SORCS2: variants seen among roughly 807,000 people sequenced by gnomAD.
The protein encoded by SORCS2 is sortilin related VPS10 domain containing receptor 2.
In SORCS2, 100 loss-of-function variants were observed where a neutral mutation model predicts 141.6. The observed-to-expected ratio is 0.71, with a 90% CI of 0.60 to 0.83. The LOEUF (loss-of-function observed/expected upper bound fraction) is 0.83, where lower values mean the gene tolerates loss of function less well. Among genes scored for constraint, SORCS2 ranks in the 40% least tolerant of loss-of-function variants. The pLI is 0.00. For synonymous variants in SORCS2, 789 were observed against 676.9 expected (o/e 1.17, Z -2.57); for missense variants, 1,646 against 1,560.2 (o/e 1.05, Z -0.93).
intron 1 of SORCS2, among the ~76,000 whole-genome samples, chr4:7,302,276 C>T (rs971081035): frequency 2.6e-5 from 4 of 152,206 alleles, no homozygotes; most frequent in African/African-American, 4.8e-5. Flanking sequence ...TGCCTGCCCG[C>T]AAGTAGCTTG....
rs181613324 is a variant in SORCS2, at chr4:7,712,864, A to G, written c.1989+11A>G. 1,290 of 1,613,536 alleles carry G rather than the reference A, an allele frequency of 8.0e-4. 13 individuals carry two copies. The African/African-American group carries it at 0.015, about 19-fold the overall frequency. On this transcript the variant is annotated intron_variant, in intron 15 of 26. Coordinates refer to ENST00000507866, the MANE Select transcript of SORCS2 (RefSeq NM_020777.3). ...CTCTCCAACCTGCAGGTGGGCCGGC[A>G]TGAGGCTGGGATCGGGCAGGTGGGG...
intron 4 of SORCS2, 103 bp downstream of exon 4, chr4:7,638,595 G>A: frequency 7.8e-7 from 1 of 1,290,010 alleles, no homozygotes; most frequent in Non-Finnish European, 1.0e-6. Flanking sequence ...CGGAACCCCT[G>A]GGCTGGCTGA....
intron 2 of SORCS2, among the ~76,000 whole-genome samples, chr4:7,510,214 G>A (rs1172286232): frequency 6.6e-5 from 10 of 152,330 alleles, no homozygotes; most frequent in South Asian, 4.1e-4. Context: ...TTCCCTTCCC[G>A]TCGGGTGGAG....
At chr4:7,427,222 G>A (rs111470108) in intron 2 of SORCS2, among the ~76,000 whole-genome samples, 1 of 152,122 alleles carries the variant, frequency 6.6e-6, no homozygotes, top group Non-Finnish European at 1.5e-5. Flanking sequence ...CGGTAGAAGA[G>A]CAAAGTCTTG....
At chr4:7,630,570 A>G (rs1456694233) in intron 3 of SORCS2, among the ~76,000 whole-genome samples, 3 of 152,136 alleles carry the variant, frequency 2.0e-5, no homozygotes, top group African/African-American at 7.2e-5. Flanking sequence ...CCATCACGGG[A>G]GTGACTTTCT....
At chr4:7,437,652 C>G (rs1727395692) in intron 2 of SORCS2, among the ~76,000 whole-genome samples, 1 of 152,226 alleles carries the variant, frequency 6.6e-6, no homozygotes, top group Non-Finnish European at 1.5e-5. Flanking sequence ...AAATACACTT[C>G]TGTCACTCAG....
At chr4:7,639,350 C>T (rs1577879417) in intron 4 of SORCS2, among the ~76,000 whole-genome samples, 2 of 152,314 alleles carry the variant, frequency 1.3e-5, no homozygotes, top group Admixed American at 1.3e-4. Context: ...TGGCTGTGGC[C>T]ACATCTCTGC....
At chr4:7,525,925 C>T (rs1230588335) in intron 2 of SORCS2, among the ~76,000 whole-genome samples, 2 of 116,992 alleles carry the variant, frequency 1.7e-5, no homozygotes, top group Non-Finnish European at 3.5e-5. Flanking sequence ...CTGTCCCCTC[C>T]TCACACCTGT....
At chr4:7,543,505 A>ATCCATCCG (rs1445620362) in intron 3 of SORCS2, among the ~76,000 whole-genome samples, 4 of 144,374 alleles carry the variant, frequency 2.8e-5, no homozygotes, top group African/African-American at 1.0e-4. Context: ...CCATCCATCC[A>ATCCATCCG]TCCATCCATC....
At chr4:7,296,380 G>A (rs371912842) in intron 1 of SORCS2, among the ~76,000 whole-genome samples, 8 of 152,366 alleles carry the variant, frequency 5.3e-5, no homozygotes, top group Admixed American at 3.3e-4. Context: ...AGCCGAGGTT[G>A]GGCTTGCTGG....
intron 1 of SORCS2, among the ~76,000 whole-genome samples, chr4:7,232,530 C>A (rs1269658609): frequency 6.6e-6 from 1 of 152,182 alleles, no homozygotes; most frequent in Admixed American, 6.5e-5. Context: ...GGGTTCTGGA[C>A]CCAAGCTCTT....
intron 8 of SORCS2, among the ~76,000 whole-genome samples, chr4:7,673,283 A>C: frequency 6.6e-6 from 1 of 152,244 alleles, no homozygotes; most frequent in East Asian, 1.9e-4. Context: ...AGAGCTTTCG[A>C]AATGTTGCGA....
chr4:7,579,922 A>G (rs964868628), intron 3 of SORCS2, among the ~76,000 whole-genome samples: 1 of 152,190 alleles, frequency 6.6e-6, no homozygotes, highest in Non-Finnish European at 1.5e-5. Flanking sequence ...AAGAGCTGGC[A>G]TGATGTGTTC....
intron 3 of SORCS2, among the ~76,000 whole-genome samples, chr4:7,565,605 A>T (rs1253124786): frequency 6.6e-6 from 1 of 150,910 alleles, no homozygotes; most frequent in Non-Finnish European, 1.5e-5. Context: ...GATGGTAATG[A>T]TGATGATATA....
intron 1 of SORCS2, among the ~76,000 whole-genome samples, chr4:7,347,370 C>T (rs553325268): frequency 5.9e-5 from 9 of 152,350 alleles, no homozygotes; most frequent in East Asian, 1.9e-4. Context: ...GGCCACGCCT[C>T]GTGCCGGATG....
chr4:7,541,009 C>G (rs1712605232), intron 3 of SORCS2, among the ~76,000 whole-genome samples: 1 of 152,198 alleles, frequency 6.6e-6, no homozygotes, highest in African/African-American at 2.4e-5. Context: ...AGCTGGGGCT[C>G]AGACAGGACC....
chr4:7,195,123 T>A (rs189665134), intron 1 of SORCS2, among the ~76,000 whole-genome samples: 2 of 146,846 alleles, frequency 1.4e-5, no homozygotes, highest in Non-Finnish European at 3.0e-5. Flanking sequence ...GCAGCTGGGT[T>A]GGGTGACTCC....
At chr4:7,528,053 G>GTC (rs902070883) in intron 2 of SORCS2, among the ~76,000 whole-genome samples, 1 of 149,302 alleles carries the variant, frequency 6.7e-6, no homozygotes, top group African/African-American at 2.5e-5. Context: ...GTCTCTCTCT[G>GTC]TCTCTCTCTC....
chr4:7,427,254 G>C (rs200031831), intron 2 of SORCS2, among the ~76,000 whole-genome samples: 3 of 152,270 alleles, frequency 2.0e-5, no homozygotes, highest in South Asian at 2.1e-4. Flanking sequence ...TCAGGCTCTG[G>C]GGGGGGCTTT....
Sources: gnomAD v4.1 joint callset for allele counts (sites outside exome capture counted in the v4.1 genomes callset) on GRCh38, gnomAD v4.1.1 for gene constraint, MANE v1.5 for transcripts, NCBI Gene and HGNC (gene_info 2026-07-23, HGNC 2026-07-21) for gene names.